LIX1: variants seen among roughly 807,000 people sequenced by gnomAD.
LIX1 encodes the protein limb and CNS expressed 1.
Under a neutral mutation model 33.4 loss-of-function variants are expected in LIX1, and 24 were observed. The ratio of observed to expected loss-of-function variants is 0.72; its 90% CI spans 0.52 to 1.01. LIX1 has a LOEUF of 1.01. LIX1 is among the 50% of genes least tolerant of loss of function. The pLI is 0.00. For synonymous variants in LIX1, 124 were observed against 124.0 expected (o/e 1.00, Z 0.00); for missense variants, 311 against 339.2 (o/e 0.92, Z 0.65).
intron 1 of LIX1, 87 bp from the exon 2 acceptor site, chr5:97,124,716 T>C (rs1211023733): frequency 7.8e-6 from 9 of 1,155,370 alleles, no homozygotes; most frequent in African/African-American, 1.5e-5. Flanking sequence ...CTGGATTCTG[T>C]AGCATGACAG....
intron 2 of LIX1, among the ~76,000 whole-genome samples, chr5:97,109,181 G>A (rs905847602): frequency 5.3e-5 from 8 of 152,224 alleles, no homozygotes; most frequent in Admixed American, 2.0e-4. Flanking sequence ...CCTATATATT[G>A]TAAAGACCGT....
Position 97,142,553 on chromosome 5 carries a change from C to G in LIX1, c.24G>C (p.Leu8=). Reference sequence around the variant, plus strand: ...GCAAGACTTGGGCAATGATGTGTCTCAGAGATTCCAAGGTTCTGTCCATCT... The same window carrying G: ...GCAAGACTTGGGCAATGATGTGTCTGAGAGATTCCAAGGTTCTGTCCATCT... MDRTLES[L]RHIIAQVLPH... The change falls in exon 1 of 6, where the codon CTG becomes CTC. Residue 8 remains leucine (L), a synonymous_variant. Coordinates refer to ENST00000274382, the MANE Select transcript of LIX1 (RefSeq NM_153234.5). 1 of 1,614,058 alleles carries G rather than the reference C, an allele frequency of 6.2e-7. No individual in the cohort carries two copies. The highest frequency in any genetic ancestry group is 8.5e-7 in the Non-Finnish European group (1 of 1,179,938).
chr5:97,128,490 A>G (rs1393749228), intron 1 of LIX1, among the ~76,000 whole-genome samples: 3 of 152,146 alleles, frequency 2.0e-5, no homozygotes, highest in Admixed American at 2.0e-4. Context: ...TGAATGATAG[A>G]ACCCACCATA....
At chr5:97,112,589 T>C (rs891320406) in intron 2 of LIX1, among the ~76,000 whole-genome samples, 19 of 152,142 alleles carry the variant, frequency 1.2e-4, no homozygotes, top group Admixed American at 1.2e-3. Flanking sequence ...CCTTTGCACT[T>C]TGCGAAAGTG....
intron 1 of LIX1, among the ~76,000 whole-genome samples, chr5:97,127,040 C>T (rs1266400562): frequency 6.6e-6 from 1 of 152,142 alleles, no homozygotes; most frequent in Non-Finnish European, 1.5e-5. Flanking sequence ...TTCCCTCCCA[C>T]CCCTGAGGAA....
intron 1 of LIX1, among the ~76,000 whole-genome samples, chr5:97,128,317 T>C (rs1017661217): frequency 3.3e-5 from 5 of 152,244 alleles, no homozygotes; most frequent in Admixed American, 1.3e-4. Flanking sequence ...AACTTTCTTC[T>C]AGAAACCTTG....
rs997405856 is a variant in LIX1, at chr5:97,093,956, A to G, written c.*792T>C. On this transcript the variant is annotated 3_prime_UTR_variant, in exon 6 of 6. Transcript: ENST00000274382. ...ATATATGTTTGCAGTGGCAAAAAAT[A>G]AGAACAAATTAGTTCAGGTTATCGA... The G allele has an allele frequency of 6.6e-6, 1 of 152,408 alleles. No individual in the cohort carries two copies. Among genetic ancestry groups the G allele is most frequent in the African/African-American group, 2.4e-5 (1 of 41,470 alleles). The allele number at this position is 152,408 out of a possible 1,614,324, so 9.4% of individuals were successfully genotyped here.
At chr5:97,138,416 A>G (rs942209207) in intron 1 of LIX1, among the ~76,000 whole-genome samples, 2 of 152,248 alleles carry the variant, frequency 1.3e-5, no homozygotes, top group Non-Finnish European at 2.9e-5. Context: ...TCTTGCTAAG[A>G]AAAAGCTGCA....
intron 4 of LIX1, among the ~76,000 whole-genome samples, chr5:97,102,511 C>T (rs766411593): frequency 1.1e-4 from 16 of 152,154 alleles, no homozygotes; most frequent in Admixed American, 6.5e-5. Flanking sequence ...TTTTCCCTGC[C>T]CTCACATCTT....
chr5:97,120,996 G>T (rs1015939597), intron 2 of LIX1, among the ~76,000 whole-genome samples: 6 of 151,966 alleles, frequency 3.9e-5, no homozygotes, highest in Admixed American at 3.9e-4. Context: ...TGCTTAGTGT[G>T]GTGTGTCTTT....
chr5:97,122,884 G>C (rs1227475602), intron 2 of LIX1, among the ~76,000 whole-genome samples: 8 of 152,162 alleles, frequency 5.3e-5, no homozygotes, highest in African/African-American at 1.7e-4. Context: ...GTAATCTACT[G>C]TAATCTAATT....
chr5:97,128,665 CA>C lies in LIX1; in HGVS notation c.83-4037del, dbSNP rs202011398. 6.6e-5 allele frequency among the ~76,000 whole-genome samples: 10 copies of C among 150,798 alleles called. No homozygotes were observed. In the East Asian group the frequency reaches 9.7e-4, roughly 15 times the overall value. ...AATTACTTTTCTTTCTCCTGGGTTA[CA>C]AAAAAAAAGTGATGTTATCATCTAC... On this transcript the variant is annotated intron_variant, in intron 1 of 5. Transcript: ENST00000274382.
At chr5:97,126,985 A>G (rs1297826626) in intron 1 of LIX1, among the ~76,000 whole-genome samples, 14 of 152,070 alleles carry the variant, frequency 9.2e-5, no homozygotes, top group Admixed American at 6.6e-5. Context: ...TAGAATTAGA[A>G]CTTTTATTTT....
At chr5:97,109,757 C>A (rs1043694880) in intron 2 of LIX1, among the ~76,000 whole-genome samples, 1 of 151,838 alleles carries the variant, frequency 6.6e-6, no homozygotes, top group Non-Finnish European at 1.5e-5. Context: ...AATCTTCTCC[C>A]CCAAGTGCCC....
chr5:97,122,545 A>G (rs2112786428), intron 2 of LIX1, among the ~76,000 whole-genome samples: 1 of 152,288 alleles, frequency 6.6e-6, no homozygotes, highest in South Asian at 2.1e-4. Flanking sequence ...TCTTGATTCA[A>G]TCTTGAGACT....
chr5:97,131,801 G>A (rs560402878), intron 1 of LIX1, among the ~76,000 whole-genome samples: 5 of 152,356 alleles, frequency 3.3e-5, no homozygotes, highest in African/African-American at 7.2e-5. Context: ...GATCCACAGC[G>A]TGGTCAGGAC....
chr5:97,094,999 C>T lies in LIX1; in HGVS notation c.598G>A (p.Glu200Lys). Residue 200 changes from glutamate to lysine, a missense_variant, in exon 6 of 6, where the codon GAA becomes AAA. Glu to Lys is a moderately conservative substitution (Grantham distance 56). Coordinates refer to ENST00000274382, the MANE Select transcript of LIX1 (RefSeq NM_153234.5). ...AGGGCCATGTGGCTGCGCATCTTTTCATCTAGAGAATACTGAGAATAGTAG... is the reference window on the plus strand; with the variant it reads ...AGGGCCATGTGGCTGCGCATCTTTTTATCTAGAGAATACTGAGAATAGTAG... ...ISYYSQYSLD[E>K]KMRSHMALDW... is the part of the protein sequence containing the mutation. 1 of 1,614,134 alleles carries T rather than the reference C, an allele frequency of 6.2e-7. No homozygotes were observed. The highest frequency in any genetic ancestry group is 1.1e-5 in the South Asian group (1 of 91,086).
intron 4 of LIX1, among the ~76,000 whole-genome samples, chr5:97,101,297 G>T (rs997393102): frequency 6.6e-6 from 1 of 152,162 alleles, no homozygotes; most frequent in Admixed American, 6.5e-5. Context: ...CAAGAGAAAT[G>T]TGTCACTTGC....
intron 5 of LIX1, 48 bp downstream of exon 5, chr5:97,096,762 C>T (rs769695599): frequency 2.1e-5 from 28 of 1,305,016 alleles, no homozygotes; most frequent in Non-Finnish European, 3.0e-5. Context: ...GATAAGCCAC[C>T]TGCTGAGTTC....
Sources: gnomAD v4.1 joint callset for allele counts (sites outside exome capture counted in the v4.1 genomes callset) on GRCh38, gnomAD v4.1.1 for gene constraint, MANE v1.5 for transcripts, NCBI Gene and HGNC (gene_info 2026-07-23, HGNC 2026-07-21) for gene names.